Variants in PDZD4 observed in about 807,000 individuals in gnomAD.
The protein encoded by PDZD4 is PDZ domain containing 4.
Under a neutral mutation model 38.5 loss-of-function variants are expected in PDZD4, and 9 were observed. The observed-to-expected ratio is 0.23, with a 90% CI of 0.14 to 0.41. The LOEUF is 0.41. PDZD4 is among the 10% of genes least tolerant of loss of function. The pLI is 1.00. For synonymous variants in PDZD4, 349 were observed against 315.7 expected, an observed-to-expected ratio of 1.11 and a Z score of -1.12; for missense variants, 612 against 722.0, an observed-to-expected ratio of 0.85 and a Z score of 1.75.
intron 1 of PDZD4, among the ~76,000 whole-genome samples, chrX:153,818,704 C>A (rs1389632194): frequency 9.9e-6 from 1 of 100,809 alleles, no homozygotes; most frequent in South Asian, 5.4e-4. Flanking sequence ...GGGAGGGGGC[C>A]GGGTGGGGAA....
Position 153,808,880 on chromosome X carries a change from C to T in PDZD4, c.61-285G>A, listed in dbSNP as rs986446893. Reference sequence around the variant, plus strand: ...GCACTGGGTCTGGAGGCTGTGATACCGCCCTACAACGTCCTCCAGACACTG... The same window carrying T: ...GCACTGGGTCTGGAGGCTGTGATACTGCCCTACAACGTCCTCCAGACACTG... On this transcript the variant is annotated intron_variant, in intron 1 of 7. Coordinates refer to ENST00000393758, the MANE Select transcript of PDZD4 (RefSeq NM_001303512.2). Among the ~76,000 whole-genome samples the T allele has an allele frequency of 8.0e-5, 9 of 112,888 alleles. No homozygotes were observed. In the Admixed American group the frequency reaches 8.4e-4, roughly 11 times the overall value.
intron 1 of PDZD4, among the ~76,000 whole-genome samples, chrX:153,826,148 C>A (rs1308669455): frequency 1.0e-5 from 1 of 99,506 alleles, no homozygotes; most frequent in African/African-American, 3.8e-5. Flanking sequence ...ACCCGGGAGG[C>A]GGAGGCTGCA....
chrX:153,807,463 G>T (rs957379348), intron 2 of PDZD4, 94 bp from the exon 3 acceptor site: 2 of 901,277 alleles, frequency 2.2e-6, no homozygotes, highest in Admixed American at 5.6e-5. Flanking sequence ...TGCCTGGCAC[G>T]GAGGCCTGCT....
chrX:153,811,430 C>A (rs1425593550), intron 1 of PDZD4, among the ~76,000 whole-genome samples: 1 of 112,538 alleles, frequency 8.9e-6, no homozygotes, highest in Non-Finnish European at 1.9e-5. Context: ...AGCCACCGCA[C>A]CTGGCCATGC....
At chrX:153,816,043 C>A (rs1441639889) in intron 1 of PDZD4, among the ~76,000 whole-genome samples, 1 of 99,162 alleles carries the variant, frequency 1.0e-5, no homozygotes, top group Non-Finnish European at 2.0e-5. Flanking sequence ...CGGCAGGATC[C>A]CGGGTTGCGC....
chrX:153,823,539 A>T (rs2064449540), intron 1 of PDZD4, among the ~76,000 whole-genome samples: 1 of 110,088 alleles, frequency 9.1e-6, no homozygotes, highest in Non-Finnish European at 1.9e-5. Flanking sequence ...TTTTTAGTAT[A>T]GATGGGGTTT....
chrX:153,828,968 G>A (rs944841554), intron 1 of PDZD4, among the ~76,000 whole-genome samples: 1 of 111,987 alleles, frequency 8.9e-6, no homozygotes, highest in African/African-American at 3.3e-5. Flanking sequence ...AGGAGTGGCA[G>A]CCGGGAACTG....
At chrX:153,812,126 T>C (rs2064315846) in intron 1 of PDZD4, among the ~76,000 whole-genome samples, 1 of 109,915 alleles carries the variant, frequency 9.1e-6, no homozygotes, top group Admixed American at 9.8e-5. Context: ...ATACTATGTG[T>C]GCATTCCCCC....
chrX:153,809,574 G>A (rs969757329), intron 1 of PDZD4, among the ~76,000 whole-genome samples: 2 of 112,637 alleles, frequency 1.8e-5, no homozygotes, highest in East Asian at 2.8e-4. Context: ...GCGACAGAGC[G>A]AGACTCCGTC....
intron 1 of PDZD4, among the ~76,000 whole-genome samples, chrX:153,825,725 A>T (rs2064474271): frequency 8.9e-6 from 1 of 112,357 alleles, no homozygotes. Flanking sequence ...TCATGATAAA[A>T]ACACACTAGG....
At chrX:153,806,166 C>G (rs782514204) in intron 4 of PDZD4, 33 bp from the exon 5 acceptor site, 1 of 1,196,243 alleles carries the variant, frequency 8.4e-7, no homozygotes, top group Middle Eastern at 2.3e-4. Context: ...GGACTTGGTG[C>G]CTAACATGCC....
intron 6 of PDZD4, 117 bp downstream of exon 6, chrX:153,805,388 A>G (rs1418252484): frequency 4.8e-6 from 1 of 208,193 alleles, no homozygotes; most frequent in Non-Finnish European, 8.6e-6. Context: ...ACCCCTGCCC[A>G]CCCGCCCTCC....
chrX:153,829,215 G>A, intron 1 of PDZD4, among the ~76,000 whole-genome samples: 1 of 15,307 alleles, frequency 6.5e-5, no homozygotes, highest in Non-Finnish European at 1.3e-4. Context: ...CCCCGCCCCC[G>A]CCCCCGCCCC....
In PDZD4 at chrX:153,830,273, T is replaced by C; in HGVS notation, c.26A>G (p.Gln9Arg). The C allele has an allele frequency of 8.3e-7, 1 of 1,203,766 alleles. No individual in the cohort carries two copies. The highest frequency in any genetic ancestry group is 1.1e-6 in the Non-Finnish European group (1 of 891,550). Residue 9 changes from glutamine to arginine, a missense_variant, in exon 1 of 8, where the codon CAG (glutamine) becomes CGG (arginine). By Grantham distance (43) the Gln-to-Arg change is conservative. Around this residue, in one of 3 missense-constraint regions of PDZD4, gnomAD observed 225 missense variants for 311.0 expected, o/e 0.72. Transcript: ENST00000393758. MGCNMCVVQKPEEQYKVML... is the reference protein window; with the variant it reads MGCNMCVVRKPEEQYKVML... ...CACTTTGTACTGCTCCTCCGGTTTC[T>C]GGACCACGCACATATTACATCCCAT...
chrX:153,822,206 AC>A (rs199741651), intron 1 of PDZD4, among the ~76,000 whole-genome samples: 15,518 of 88,937 alleles, frequency 0.17, 1,510 homozygotes, highest in South Asian at 0.48. Flanking sequence ...AAAAAAAAAA[AC>A]ACACAGGAAA....
At chrX:153,816,698 C>T (rs1023162115) in intron 1 of PDZD4, among the ~76,000 whole-genome samples, 27 of 111,988 alleles carry the variant, frequency 2.4e-4, no homozygotes, top group African/African-American at 8.4e-4. Context: ...AGGACAGCCT[C>T]TCTGGGTCGG....
chrX:153,804,271 G>C lies in PDZD4; in HGVS notation c.1410C>G (p.Asp470Glu), dbSNP rs2092198653. Reference protein sequence around the residue: ...SDISELPEKSDKDSTSAYNTG... With the variant: ...SDISELPEKSEKDSTSAYNTG... Reference sequence around the variant, plus strand: ...TGTTGTAGGCGCTGGTGCTGTCCTTGTCCGACTTCTCGGGCAGCTCGGAGA... The same window carrying C: ...TGTTGTAGGCGCTGGTGCTGTCCTTCTCCGACTTCTCGGGCAGCTCGGAGA... The change falls in exon 8 of 8, where the codon GAC (aspartate) becomes GAG (glutamate). Residue 470 changes from aspartate to glutamate, a missense_variant. This residue lies in a region of PDZD4 where 300 missense variants were observed against 284.6 expected (regional missense o/e 1.05). Coordinates refer to ENST00000393758, the MANE Select transcript of PDZD4 (RefSeq NM_001303512.2). 3 of 1,208,920 alleles carry C rather than the reference G, an allele frequency of 2.5e-6. No homozygotes were observed. The highest frequency in any genetic ancestry group is 3.4e-6 in the Non-Finnish European group (3 of 894,813).
chrX:153,816,781 C>T (rs189139271), intron 1 of PDZD4, among the ~76,000 whole-genome samples: 9 of 111,189 alleles, frequency 8.1e-5, no homozygotes, highest in Admixed American at 1.9e-4. Flanking sequence ...AAGGGAGCTC[C>T]CAGGAGAACA....
At chrX:153,828,308 G>A (rs2064502837) in intron 1 of PDZD4, among the ~76,000 whole-genome samples, 1 of 112,659 alleles carries the variant, frequency 8.9e-6, no homozygotes, top group African/African-American at 3.2e-5. Flanking sequence ...TTTTCCCTTA[G>A]TTGTGAAGGA....
Sources: gnomAD v4.1 joint callset for allele counts (sites outside exome capture counted in the v4.1 genomes callset) on GRCh38, gnomAD v4.1.1 for gene constraint, gnomAD v4.1.1 regional missense constraint, MANE v1.5 for transcripts, NCBI Gene and HGNC (gene_info 2026-07-23, HGNC 2026-07-21) for gene names.